The following TBC1D9B variants were observed in gnomAD, a reference collection of about 807,000 sequenced individuals.
TBC1D9B encodes TBC1 domain family, member 9B (with GRAM domain).
A neutral mutation model predicts 121.1 loss-of-function variants in TBC1D9B; 87 were observed. That is an observed-to-expected ratio of 0.72 (90% CI 0.60 to 0.86). The LOEUF (loss-of-function observed/expected upper bound fraction) is 0.86. Ranked by LOEUF, TBC1D9B falls within the 40% of genes least tolerant of loss-of-function variation. The pLI, the probability that TBC1D9B is intolerant of heterozygous loss-of-function variation, is 0.00. For synonymous variants in TBC1D9B, 668 were observed against 670.1 expected (o/e 1.00, Z 0.05); for missense variants, 1,540 against 1,628.6 (o/e 0.95, Z 0.94).
chr5:179,888,410 T>C lies in TBC1D9B; in HGVS notation c.1045-98A>G. 3.3e-6 allele frequency: 4 copies of C among 1,214,012 alleles called. No individual in the cohort carries two copies. In the Admixed American group the frequency reaches 9.1e-5, roughly 28 times the overall value. 75.2% of individuals were successfully genotyped at this position (1,214,012 alleles called of 1,614,324 possible). A position where few individuals can be genotyped will look rare whatever the true frequency, so the allele number is the denominator to read the frequency against. On this transcript the variant is annotated intron_variant, in intron 6 of 20. Coordinates refer to ENST00000355235, the MANE Select transcript of TBC1D9B (RefSeq NM_015043.4). ...AGACTGTCATGCAGCTGTCCTCTCC[T>C]GGGCACAATGCAGTGAGTGGCCCAA... is the stretch of plus-strand genomic sequence containing the variant.
In TBC1D9B at chr5:179,891,313, G is replaced by GTCCT; in HGVS notation, c.1044+65_1044+66insAGGA. 6.3e-7 allele frequency: 1 copy of GTCCT among 1,577,550 alleles called. No homozygotes were observed. On this transcript the variant is annotated intron_variant, in intron 6 of 20. Coordinates refer to ENST00000355235, the MANE Select transcript of TBC1D9B (RefSeq NM_015043.4). The surrounding 1 kb of genome is among the most constrained non-coding windows in gnomAD (Gnocchi z 4.3). ...GAGACAGGGCAGAGCAGGACAGGCT[G>GTCCT]GTCCCTGAGCCCACTGACACCTCGG...
intron 4 of TBC1D9B, 113 bp downstream of exon 4, chr5:179,894,273 T>G: frequency 9.8e-7 from 1 of 1,018,288 alleles, no homozygotes; most frequent in Non-Finnish European, 1.4e-6. Context: ...AAGGTGGCAT[T>G]TGGGTTTCAG....
rs1760967164 is a variant in TBC1D9B, at chr5:179,894,558, C to T, written c.405G>A (p.Gly135=). ...NLQPQGDEDP[G]KFKEAELKMR... is the part of the protein sequence containing the mutation. Reference sequence around the variant, plus strand: ...TCTTCAGCTCAGCCTCCTTGAACTTCCCGGGGTCCTCGTCTCCCTGGGGCT... The same window carrying T: ...TCTTCAGCTCAGCCTCCTTGAACTTTCCGGGGTCCTCGTCTCCCTGGGGCT... The change falls in exon 4 of 21, where the codon GGG becomes GGA. Residue 135 remains glycine (G), a synonymous_variant. Transcript: ENST00000355235. 1.2e-6 allele frequency: 2 copies of T among 1,614,134 alleles called. No homozygotes were observed. Among genetic ancestry groups the T allele is most frequent in the Admixed American group, 1.7e-5 (1 of 60,012 alleles).
chr5:179,891,738 C>T lies in TBC1D9B; in HGVS notation c.837-152G>A. On this transcript the variant is annotated intron_variant, in intron 5 of 20. Transcript: ENST00000355235. This position sits in a 1 kb window ranked among gnomAD's most constrained non-coding sequence, Gnocchi z 4.3. ...TTGAGCAAGTCATGCTCAGGGACCT[C>T]AGAGTTCAATAAAAGATGCATGCTG... 1.3e-6 allele frequency: 1 copy of T among 765,436 alleles called. No individual in the cohort carries two copies. Among genetic ancestry groups the T allele is most frequent in the Admixed American group, 2.8e-5 (1 of 36,140 alleles). 47.4% of individuals were successfully genotyped at this position (765,436 alleles called of 1,614,324 possible).
At chr5:179,899,686 T>G (rs1761116364) in intron 2 of TBC1D9B, among the ~76,000 whole-genome samples, 1 of 152,158 alleles carries the variant, frequency 6.6e-6, no homozygotes, top group African/African-American at 2.4e-5. Flanking sequence ...GCTATGTAGG[T>G]GATTAATCAG....
At chr5:179,894,347 AG>A in intron 4 of TBC1D9B, 38 bp downstream of exon 4, 1 of 1,500,440 alleles carries the variant, frequency 6.7e-7, no homozygotes, top group South Asian at 1.2e-5. Context: ...GGAGGGGCTG[AG>A]GGTGTGGGGG....
intron 9 of TBC1D9B, 22 bp from the exon 10 acceptor site, chr5:179,878,545 C>A (rs375424988): frequency 2.7e-5 from 43 of 1,572,132 alleles, no homozygotes; most frequent in African/African-American, 2.2e-4. Context: ...CGGGTGCCAG[C>A]TGTCTCTGTC....
chr5:179,883,160 G>A (rs1262315122), intron 7 of TBC1D9B, among the ~76,000 whole-genome samples: 1 of 152,092 alleles, frequency 6.6e-6, no homozygotes, highest in African/African-American at 2.4e-5. Context: ...TGCCCAGCCT[G>A]GAATAATTTT....
chr5:179,873,021 G>C (rs1760249725), intron 13 of TBC1D9B, 31 bp from the exon 14 acceptor site: 1 of 1,613,760 alleles, frequency 6.2e-7, no homozygotes, highest in African/African-American at 1.3e-5. Flanking sequence ...GTGAGATCAA[G>C]CCAACTGCAG....
chr5:179,882,563 A>G (rs1009844062), intron 7 of TBC1D9B, among the ~76,000 whole-genome samples: 4 of 152,066 alleles, frequency 2.6e-5, no homozygotes, highest in Admixed American at 2.0e-4. Context: ...CTTTTATTGT[A>G]TATCTTAAAA....
chr5:179,869,973 C>T (rs1451766813), intron 16 of TBC1D9B, 139 bp from the exon 17 acceptor site: 3 of 973,898 alleles, frequency 3.1e-6, no homozygotes, highest in Admixed American at 2.9e-5. Context: ...CCCAGATCTC[C>T]TGTCTCCCTG....
rs142768077 is a variant in TBC1D9B at position 179,897,910 on chromosome 5, T to C, written c.348+1279A>G. Reference sequence around the variant, plus strand: ...TGTCCAGGCTTAGGAAGTTCTGGTATCAGGAATTCACATGGGCCTGCCCAA... The same window carrying C: ...TGTCCAGGCTTAGGAAGTTCTGGTACCAGGAATTCACATGGGCCTGCCCAA... On this transcript the variant is annotated intron_variant, in intron 3 of 20. Coordinates refer to ENST00000355235, the MANE Select transcript of TBC1D9B (RefSeq NM_015043.4). 5.2e-3 allele frequency among the ~76,000 whole-genome samples: 796 copies of C among 152,332 alleles called. 8 individuals carry two copies. The highest frequency in any genetic ancestry group is 0.018 in the African/African-American group (769 of 41,578).
chr5:179,869,943 G>A, intron 16 of TBC1D9B, 109 bp from the exon 17 acceptor site: 1 of 1,141,284 alleles, frequency 8.8e-7, no homozygotes, highest in African/African-American at 1.6e-5. Context: ...ACTCCCTCCT[G>A]GAGAGGTCAC....
At chr5:179,888,505 C>T (rs1230344452) in intron 6 of TBC1D9B, among the ~76,000 whole-genome samples, 193 bp from the exon 7 acceptor site, 1 of 152,114 alleles carries the variant, frequency 6.6e-6, no homozygotes, top group African/African-American at 2.4e-5. Flanking sequence ...CCTCTAAGGG[C>T]CCGTTTTTCC....
chr5:179,884,001 T>A (rs923971299), intron 7 of TBC1D9B, among the ~76,000 whole-genome samples: 1 of 152,224 alleles, frequency 6.6e-6, no homozygotes, highest in African/African-American at 2.4e-5. Context: ...CAAGTGTTCC[T>A]GCTCTGTTCA....
intron 3 of TBC1D9B, among the ~76,000 whole-genome samples, chr5:179,896,354 T>C (rs1167786034): frequency 1.3e-5 from 2 of 152,246 alleles, no homozygotes; most frequent in African/African-American, 2.4e-5. Flanking sequence ...CTTATACCAG[T>C]GCTACCGCAG....
rs796278508 is a variant in TBC1D9B, at chr5:179,881,946, G to GTTTTTTTTTTTTTTTTTTT, written c.1255-2158_1255-2157insAAAAAAAAAAAAAAAAAAA. 3.8e-3 allele frequency among the ~76,000 whole-genome samples: 490 copies of GTTTTTTTTTTTTTTTTTTT among 128,212 alleles called. 41 individuals are homozygous for GTTTTTTTTTTTTTTTTTTT. The highest frequency in any genetic ancestry group is 0.016 in the African/African-American group (474 of 29,896). 84.1% of individuals were successfully genotyped at this position (128,212 alleles called of 152,430 possible). A position where few individuals can be genotyped will look rare whatever the true frequency, so the allele number is the denominator to read the frequency against. On this transcript the variant is annotated intron_variant, in intron 7 of 20. Transcript: ENST00000355235. ...TTCCATATCTTTCCATATACCTTCC[G>GTTTTTTTTTTTTTTTTTTT]TTTTTTTTTTTTTTTTGAGATGGAG...
intron 14 of TBC1D9B, 29 bp downstream of exon 14, chr5:179,872,863 C>CCCCCCCCCCG: frequency 6.4e-7 from 1 of 1,573,816 alleles, no homozygotes; most frequent in South Asian, 1.1e-5. Flanking sequence ...CCCAGCCCAG[C>CCCCCCCCCCG]CCCTGCCCAG....
chr5:179,871,376 C>G lies in TBC1D9B; in HGVS notation c.2484+86G>C, dbSNP rs956202376. On this transcript the variant is annotated intron_variant, in intron 15 of 20. Coordinates refer to ENST00000355235, the MANE Select transcript of TBC1D9B (RefSeq NM_015043.4). ...TTCTATTCCCTATTTCTATCTACTT[C>G]TAAGAGGATACTCTTAGATCCATTT... The G allele has an allele frequency of 7.4e-6, 10 of 1,349,544 alleles. No individual in the cohort carries two copies. In the African/African-American group the frequency reaches 1.5e-4, roughly 20 times the overall value. The allele number at this position is 1,349,544 out of a possible 1,614,324, so 83.6% of individuals were successfully genotyped here. A position where few individuals can be genotyped will look rare whatever the true frequency, so the allele number is the denominator to read the frequency against.
Sources: gnomAD v4.1 joint callset for allele counts (sites outside exome capture counted in the v4.1 genomes callset) on GRCh38, gnomAD v4.1.1 for gene constraint, Gnocchi (gnomAD v3.1) non-coding constraint, MANE v1.5 for transcripts, NCBI Gene and HGNC (gene_info 2026-07-23, HGNC 2026-07-21) for gene names.